The following PCCB variants were observed in gnomAD, a reference collection of about 807,000 sequenced individuals.
PCCB encodes the protein propionyl-CoA carboxylase subunit beta, also known as propionyl-CoA carboxylase beta chain, mitochondrial.
A neutral mutation model predicts 60.7 loss-of-function variants in PCCB; 43 were observed. The ratio of observed to expected loss-of-function variants is 0.71; its 90% confidence interval spans 0.55 to 0.91. The LOEUF is 0.91. Among genes scored for constraint, PCCB ranks in the 40% least tolerant of loss-of-function variants. The probability of loss-of-function intolerance (pLI) is 0.00; values close to 1 mark genes in which losing one functional copy is unlikely to be tolerated. For synonymous variants in PCCB, 276 were observed against 255.9 expected (o/e 1.08, Z -0.75); for missense variants, 766 against 702.8 (o/e 1.09, Z -1.02).
intron 5 of PCCB, among the ~76,000 whole-genome samples, chr3:136,273,590 C>CTTTTTTTT (rs1942257481): frequency 2.1e-4 from 14 of 65,594 alleles, no homozygotes; most frequent in East Asian, 7.2e-4. Flanking sequence ...TTTTTTTTTT[C>CTTTTTTTT]TTTTTTCTTT....
intron 5 of PCCB, among the ~76,000 whole-genome samples, chr3:136,265,313 C>T (rs1040671511): frequency 1.3e-5 from 2 of 152,188 alleles, no homozygotes; most frequent in African/African-American, 2.4e-5. Context: ...ATCTAGTTTT[C>T]AAACCTGCCA....
intron 4 of PCCB, among the ~76,000 whole-genome samples, 166 bp downstream of exon 4, chr3:136,260,701 A>C (rs1158121048): frequency 6.6e-6 from 1 of 152,158 alleles, no homozygotes; most frequent in Admixed American, 6.5e-5. Context: ...CGTACCATGG[A>C]TCTCTTCCAT....
intron 8 of PCCB, among the ~76,000 whole-genome samples, chr3:136,300,104 ACATG>A (rs1934200683): frequency 6.6e-6 from 1 of 152,014 alleles, no homozygotes; most frequent in African/African-American, 2.4e-5. Context: ...ACATATACAT[ACATG>A]CATATCTACA....
chr3:136,319,698 G>GA (rs1355456786), intron 10 of PCCB, among the ~76,000 whole-genome samples: 1 of 152,114 alleles, frequency 6.6e-6, no homozygotes, highest in Non-Finnish European at 1.5e-5. Flanking sequence ...GCACCTGGCT[G>GA]AAAAGTTTTT....
At chr3:136,297,260 G>T (rs1013392351) in intron 7 of PCCB, among the ~76,000 whole-genome samples, 5 of 152,130 alleles carry the variant, frequency 3.3e-5, no homozygotes, top group Non-Finnish European at 7.4e-5. Flanking sequence ...GACATGACAC[G>T]ATCTGACTTA....
chr3:136,260,379 A>G (rs1187384597), intron 3 of PCCB, 100 bp from the exon 4 acceptor site: 1 of 1,040,004 alleles, frequency 9.6e-7, no homozygotes, highest in Admixed American at 2.0e-5. Context: ...CGCCTGGCCT[A>G]AAAACTTTTA....
chr3:136,283,714 C>T, intron 5 of PCCB, 123 bp from the exon 6 acceptor site: 1 of 701,152 alleles, frequency 1.4e-6, no homozygotes, highest in East Asian at 2.7e-5. Flanking sequence ...AGGTCTGTTG[C>T]CTCCTGTATA....
At chr3:136,300,069 CAT>C (rs1041970536) in intron 8 of PCCB, among the ~76,000 whole-genome samples, 4 of 146,040 alleles carry the variant, frequency 2.7e-5, no homozygotes, top group South Asian at 2.1e-4. Context: ...CATATCAACA[CAT>C]ATATGCATAT....
intron 5 of PCCB, among the ~76,000 whole-genome samples, chr3:136,262,279 AC>A (rs1324299692): frequency 6.6e-6 from 1 of 152,186 alleles, no homozygotes; most frequent in African/African-American, 2.4e-5. Flanking sequence ...ACAGAGGGCC[AC>A]TCACAGGGGA....
chr3:136,326,171 T>G (rs1935301089), intron 10 of PCCB, among the ~76,000 whole-genome samples: 1 of 152,138 alleles, frequency 6.6e-6, no homozygotes, highest in African/African-American at 2.4e-5. Context: ...AGTAAAAATT[T>G]TTCATTTATG....
chr3:136,271,093 T>G (rs911695331), intron 5 of PCCB, among the ~76,000 whole-genome samples: 5 of 152,314 alleles, frequency 3.3e-5, no homozygotes, highest in Middle Eastern at 3.4e-3. Context: ...CTTTGCTGAT[T>G]ACTTCTTTTG....
rs183225158 is a variant in PCCB, at chr3:136,276,682, A to C, written c.544-7155A>C. On this transcript the variant is annotated intron_variant, in intron 5 of 14. Coordinates refer to ENST00000251654, the MANE Select transcript of PCCB (RefSeq NM_000532.5). ...CACCTTTGCCAAGCTCCTGTGGAGA[A>C]GCCCCAACTGTGTCTGTGTAGTGGT... Among the ~76,000 whole-genome samples the C allele has an allele frequency of 7.0e-4, 106 of 152,284 alleles. 1 individual carries two copies. The East Asian group carries it at 0.017, about 24-fold the overall frequency.
intron 9 of PCCB, among the ~76,000 whole-genome samples, chr3:136,302,263 A>G (rs1934318313): frequency 1.4e-5 from 1 of 73,382 alleles, no homozygotes; most frequent in African/African-American, 3.0e-5. Context: ...CTACTATGCT[A>G]AGAGCTGAAA....
chr3:136,290,651 C>T (rs887756088), intron 6 of PCCB, among the ~76,000 whole-genome samples: 3 of 119,150 alleles, frequency 2.5e-5, no homozygotes, highest in Non-Finnish European at 5.0e-5. Context: ...TGCACCACTA[C>T]ACCTAGCTTT....
chr3:136,299,748 A>G (rs971279460), intron 8 of PCCB, among the ~76,000 whole-genome samples: 1 of 148,420 alleles, frequency 6.7e-6, no homozygotes, highest in Non-Finnish European at 1.5e-5. Flanking sequence ...ATGTATAGGT[A>G]TGCATGTGTG....
chr3:136,254,518 CTTT>C (rs3994953), intron 1 of PCCB, among the ~76,000 whole-genome samples: 5 of 45,926 alleles, frequency 1.1e-4, no homozygotes, highest in Admixed American at 3.8e-4. Context: ...CTGCGGCTAG[CTTT>C]TTTTTTTTTT....
chr3:136,325,410 T>C (rs901704490), intron 10 of PCCB, among the ~76,000 whole-genome samples: 1 of 151,214 alleles, frequency 6.6e-6, no homozygotes, highest in Non-Finnish European at 1.5e-5. Flanking sequence ...TTGCCTAGAG[T>C]GGTGGTGCAA....
At chr3:136,300,662 A>G (rs1934233713) in intron 8 of PCCB, among the ~76,000 whole-genome samples, 1 of 152,206 alleles carries the variant, frequency 6.6e-6, no homozygotes, top group Admixed American at 6.5e-5. Context: ...TTAATGTTCC[A>G]GGAAGTTGGG....
chr3:136,291,054 T>A (rs1933666042), intron 6 of PCCB, among the ~76,000 whole-genome samples: 1 of 152,164 alleles, frequency 6.6e-6, no homozygotes, highest in South Asian at 2.1e-4. Flanking sequence ...TATATTTTAG[T>A]TATTTTTTTA....
Sources: gnomAD v4.1 joint callset for allele counts (sites outside exome capture counted in the v4.1 genomes callset) on GRCh38, gnomAD v4.1.1 for gene constraint, MANE v1.5 for transcripts, NCBI Gene and HGNC (gene_info 2026-07-23, HGNC 2026-07-21) for gene names.